Variants in ADH1C observed in about 807,000 individuals in gnomAD.
ADH1C encodes alcohol dehydrogenase 1C.
In ADH1C, 26 loss-of-function variants were observed where a neutral mutation model predicts 35.0. The observed-to-expected ratio is 0.74, with a 90% CI of 0.54 to 1.03. The LOEUF (loss-of-function observed/expected upper bound fraction) is 1.03. Among genes scored for constraint, ADH1C ranks in the 50% least tolerant of loss-of-function variants. The probability of loss-of-function intolerance (pLI) is 0.00; values close to 1 mark genes in which losing one functional copy is unlikely to be tolerated. For missense variants in ADH1C, 413 were observed against 465.4 expected, an observed-to-expected ratio of 0.89 and a Z score of 1.04; for synonymous variants, 170 against 169.3, an observed-to-expected ratio of 1.00 and a Z score of -0.03.
At position 99,352,723 on chromosome 4, in the gene ADH1C, G is replaced by T. The variant is rs752872690; in HGVS notation, c.-48C>A. 6.2e-7 allele frequency: 1 copy of T among 1,601,672 alleles called. No homozygotes were observed. The highest frequency in any genetic ancestry group is 8.6e-7 in the Non-Finnish European group (1 of 1,169,416). ...ACCAGGAGGCTGGTGAGTACTTGTG[G>T]ATTTCTTCTCTGCTTGAGTGCATAA... On this transcript the variant is annotated 5_prime_UTR_variant, in exon 1 of 9. Coordinates refer to ENST00000515683, the MANE Select transcript of ADH1C (RefSeq NM_000669.5).
rs1469886298 is a variant in ADH1C at position 99,343,269 on chromosome 4, A to T, written c.568-214T>A. Among the ~76,000 whole-genome samples the T allele has an allele frequency of 2.0e-5, 3 of 152,200 alleles. No individual in the cohort carries two copies. In the East Asian group the frequency reaches 5.8e-4, roughly 29 times the overall value. On this transcript the variant is annotated intron_variant, in intron 5 of 8. Transcript: ENST00000515683. ...TCTGAAACTGCTGCATATTAGATTC[A>T]TCTGGGGAGCTTTAAAAACATCCCA...
chr4:99,352,014 T>A (rs930565577), intron 1 of ADH1C, among the ~76,000 whole-genome samples: 1 of 152,200 alleles, frequency 6.6e-6, no homozygotes, highest in African/African-American at 2.4e-5. Flanking sequence ...GGAGATACTG[T>A]TCCATAAGAT....
At chr4:99,339,157 G>A (rs1034455605) in intron 8 of ADH1C, among the ~76,000 whole-genome samples, 2 of 152,044 alleles carry the variant, frequency 1.3e-5, no homozygotes, top group African/African-American at 4.8e-5. Context: ...ATATGCTGAG[G>A]ATGTCCTGAA....
chr4:99,344,998 A>T lies in ADH1C; in HGVS notation c.431T>A (p.Val144Asp). The T allele has an allele frequency of 6.2e-7, 1 of 1,614,182 alleles. No individual in the cohort carries two copies. The highest frequency in any genetic ancestry group is 8.5e-7 in the Non-Finnish European group (1 of 1,180,036). The change falls in exon 5 of 9, where the codon GTC becomes GAC. Residue 144 changes from valine to aspartate, a missense_variant. Transcript: ENST00000515683. ...CACTGTGTACTGGGAGAAGGTGCTGACGCCGACGAAGTGGTGGATGGGCTT... is the reference window on the plus strand; with the variant it reads ...CACTGTGTACTGGGAGAAGGTGCTGTCGCCGACGAAGTGGTGGATGGGCTT... ...SGKPIHHFVG[V>D]STFSQYTVVD...
chr4:99,352,701 A>G lies in ADH1C; in HGVS notation c.-26T>C. On this transcript the variant is annotated 5_prime_UTR_variant, in exon 1 of 9. Transcript: ENST00000515683. ...ATTGATTCTGTCTTCTCTGCAGACC[A>G]GGAGGCTGGTGAGTACTTGTGGATT... 6.2e-7 allele frequency: 1 copy of G among 1,612,686 alleles called. No individual in the cohort carries two copies.
intron 8 of ADH1C, 139 bp downstream of exon 8, chr4:99,339,438 T>G (rs1212831995): frequency 2.3e-5 from 17 of 752,264 alleles, no homozygotes; most frequent in Non-Finnish European, 3.3e-5. Flanking sequence ...ATGCAAAGAT[T>G]GAACTGGCAA....
chr4:99,346,424 T>C (rs1734530929), intron 3 of ADH1C, among the ~76,000 whole-genome samples: 1 of 152,228 alleles, frequency 6.6e-6, no homozygotes, highest in Non-Finnish European at 1.5e-5. Context: ...GGTGGATGGC[T>C]CCTGCTATGT....
Position 99,336,614 on chromosome 4 carries a change from T to A in ADH1C, c.*138A>T, listed in dbSNP as rs915530114. The A allele has an allele frequency of 9.5e-5, 101 of 1,068,462 alleles. No homozygotes were observed. The highest frequency in any genetic ancestry group is 1.1e-4 in the Non-Finnish European group (83 of 727,674). 66.2% of individuals were successfully genotyped at this position (1,068,462 alleles called of 1,614,324 possible). ...AAATAATTTCCCATCAATTTCCATT[T>A]CTTTGGAAAGCTCCCACGTGTAATT... On this transcript the variant is annotated 3_prime_UTR_variant, in exon 9 of 9. Transcript: ENST00000515683.
At chr4:99,340,358 G>C (rs532333905) in intron 7 of ADH1C, among the ~76,000 whole-genome samples, 1 of 152,166 alleles carries the variant, frequency 6.6e-6, no homozygotes, top group Admixed American at 6.5e-5. Flanking sequence ...AGGTTGCAGT[G>C]AGTCAAGATT....
At chr4:99,347,674 A>T (rs1431005006) in intron 2 of ADH1C, 71 bp downstream of exon 2, 2 of 1,382,406 alleles carry the variant, frequency 1.4e-6, no homozygotes, top group Admixed American at 2.3e-5. Flanking sequence ...TGGATTTTGG[A>T]TGTTTCTATT....
intron 7 of ADH1C, among the ~76,000 whole-genome samples, chr4:99,339,954 T>C (rs1387834251): frequency 6.6e-6 from 1 of 152,250 alleles, no homozygotes; most frequent in Non-Finnish European, 1.5e-5. Context: ...GTACAGATGT[T>C]ATGCCCAAAG....
At chr4:99,345,831 A>G (rs988144972) in intron 3 of ADH1C, among the ~76,000 whole-genome samples, 1 of 152,202 alleles carries the variant, frequency 6.6e-6, no homozygotes, top group African/African-American at 2.4e-5. Flanking sequence ...AAAACTAACA[A>G]AAATAGGACA....
chr4:99,348,487 T>C (rs1734597334), intron 1 of ADH1C, among the ~76,000 whole-genome samples: 1 of 150,750 alleles, frequency 6.6e-6, no homozygotes, highest in South Asian at 2.1e-4. Flanking sequence ...TAGTATTCCA[T>C]GGTGTATATG....
chr4:99,338,179 T>A (rs979094982), intron 8 of ADH1C, among the ~76,000 whole-genome samples: 4 of 151,272 alleles, frequency 2.6e-5, no homozygotes, highest in African/African-American at 9.7e-5. Flanking sequence ...TCACAATTTT[T>A]ATTCTTTGCT....
chr4:99,347,803 G>C lies in ADH1C; in HGVS notation c.62C>G (p.Pro21Arg). The C allele has an allele frequency of 6.2e-7, 1 of 1,613,798 alleles. No homozygotes were observed. The highest frequency in any genetic ancestry group is 8.5e-7 in the Non-Finnish European group (1 of 1,179,812). Residue 21 changes from proline to arginine, a missense_variant, in exon 2 of 9, where the codon CCC (proline) becomes CGC (arginine). By Grantham distance (103) the Pro-to-Arg change is moderately radical. Transcript: ENST00000515683. ...AACCTCTACCTCCTCAATGGAAAAG[G>C]GTTTCTTTAACTCCCATAGCACAGC... ...KAAVLWELKK[P>R]FSIEEVEVAP...
intron 1 of ADH1C, among the ~76,000 whole-genome samples, chr4:99,352,224 C>A (rs1734693819): frequency 6.7e-6 from 1 of 150,160 alleles, no homozygotes; most frequent in African/African-American, 2.4e-5. Flanking sequence ...TTCTTGTGTT[C>A]ACAAAAAATA....
At position 99,336,641 on chromosome 4, in the gene ADH1C, A is replaced by AT. The variant is rs1183154700; in HGVS notation, c.*110dup. ...TTTGGAAAGCTCCCACGTGTAATTT[A>AT]TTTTTAACATCTCTGAAGAGCAGAA... On this transcript the variant is annotated 3_prime_UTR_variant, in exon 9 of 9. Coordinates refer to ENST00000515683, the MANE Select transcript of ADH1C (RefSeq NM_000669.5). 7.4e-6 allele frequency: 10 copies of AT among 1,354,848 alleles called. No individual in the cohort carries two copies. The highest frequency in any genetic ancestry group is 1.0e-5 in the Non-Finnish European group (10 of 965,246). The allele number at this position is 1,354,848 out of a possible 1,614,324, so 83.9% of individuals were successfully genotyped here.
chr4:99,347,957 C>A, intron 1 of ADH1C, 111 bp from the exon 2 acceptor site: 4 of 1,220,592 alleles, frequency 3.3e-6, no homozygotes, highest in Non-Finnish European at 4.7e-6. Flanking sequence ...TGGCACCTAA[C>A]AAGTGTTGCA....
rs549453609 is a variant in ADH1C, at chr4:99,336,739, C to G, written c.*13G>C. The G allele has an allele frequency of 1.2e-6, 2 of 1,613,418 alleles. No individual in the cohort carries two copies. Among genetic ancestry groups the G allele is most frequent in the Admixed American group, 1.7e-5 (1 of 59,922 alleles). On this transcript the variant is annotated 3_prime_UTR_variant, in exon 9 of 9. Coordinates refer to ENST00000515683, the MANE Select transcript of ADH1C (RefSeq NM_000669.5). ...GGCTGAAAACTGCTACAAGGGAAGG[C>G]ATCTGTATTGTTTCAAAACGTCAGG...
Sources: allele counts gnomAD v4.1 joint callset (sites outside exome capture counted in the v4.1 genomes callset), GRCh38; gene constraint gnomAD v4.1.1; transcripts MANE v1.5; gene names NCBI Gene and HGNC (gene_info 2026-07-23, HGNC 2026-07-21).